Variants in NREP observed in about 807,000 individuals in gnomAD.
NREP encodes the protein neuronal regeneration related protein.
Under a neutral mutation model 8.6 loss-of-function variants are expected in NREP, and 5 were observed. The ratio of observed to expected loss-of-function variants is 0.58; its 90% confidence interval spans 0.30 to 1.22. The LOEUF (loss-of-function observed/expected upper bound fraction) is 1.22, where lower values mean the gene tolerates loss of function less well. Ranked by LOEUF, NREP falls within the 50% of genes most tolerant of loss-of-function variation. NREP has a pLI of 0.07. For synonymous variants in NREP, 27 were observed against 28.0 expected, an observed-to-expected ratio of 0.96 and a Z score of 0.11; for missense variants, 86 against 82.5, an observed-to-expected ratio of 1.04 and a Z score of -0.17.
chr5:111,832,378 C>CA lies in NREP; in HGVS notation c.136-96872dup, dbSNP rs200809780. On this transcript the variant is annotated intron_variant, in intron 2 of 3. Coordinates refer to the NREP transcript ENST00000395634. The stretch of plus-strand genomic sequence containing the variant: ...ACAGAAAAACAAACAACAACAACAA[C>CA]AAAACATTAGCTGGGGGTGGCATGA... Among the ~76,000 whole-genome samples the CA allele has an allele frequency of 1.1e-3, 169 of 152,106 alleles. 6 individuals are homozygous for CA. In the East Asian group the frequency reaches 0.031, roughly 28 times the overall value.
At chr5:111,834,225 C>T (rs974266725) in intron 2 of NREP, among the ~76,000 whole-genome samples, 2 of 152,170 alleles carry the variant, frequency 1.3e-5, no homozygotes, top group Admixed American at 6.6e-5. Flanking sequence ...CTTCTGTCAG[C>T]ATCCATGAAG....
At chr5:111,930,455 T>A (rs1322155597) in intron 2 of NREP, among the ~76,000 whole-genome samples, 1 of 152,198 alleles carries the variant, frequency 6.6e-6, no homozygotes, top group Non-Finnish European at 1.5e-5. Context: ...TTTATGATTA[T>A]GTTTTCAGAA....
intron 2 of NREP, among the ~76,000 whole-genome samples, chr5:111,769,135 C>T (rs758186268): frequency 1.3e-5 from 2 of 152,158 alleles, no homozygotes; most frequent in East Asian, 1.9e-4. Flanking sequence ...AAATGGGATA[C>T]ATCAAGCATC....
In NREP at chr5:111,729,365, A is replaced by G. The variant is rs1295043302; in HGVS notation, c.*1556T>C. On this transcript the variant is annotated 3_prime_UTR_variant, in exon 4 of 4. Transcript: ENST00000257435. ...CTAAAATAGCTAAAATACATTGGGT[A>G]CTTGTCATGAGTGCATCAGTAAAGA... 6.6e-6 allele frequency: 1 copy of G among 152,274 alleles called. No homozygotes were observed. Among genetic ancestry groups the G allele is most frequent in the Non-Finnish European group, 1.5e-5 (1 of 68,050 alleles). The allele number at this position is 152,274 out of a possible 1,614,324, so 9.4% of individuals were successfully genotyped here. A position where few individuals can be genotyped will look rare whatever the true frequency, so the allele number is the denominator to read the frequency against.
rs200921785 is a variant in NREP, at chr5:111,741,842, C to G, written c.4-6335G>C. Among the ~76,000 whole-genome samples, 188 of 152,020 alleles carry G rather than the reference C, an allele frequency of 1.2e-3. 3 individuals are homozygous for G. In the East Asian group the frequency reaches 0.03, roughly 25 times the overall value. On this transcript the variant is annotated intron_variant, in intron 2 of 3. Transcript: ENST00000257435. Reference sequence around the variant, plus strand: ...ACACACATACACACACACACACACACACACACACACACACACACACTGGAG... The same window carrying G: ...ACACACATACACACACACACACACAGACACACACACACACACACACTGGAG...
intron 1 of NREP, chr5:111,975,525 C>A: frequency 1.6e-6 from 1 of 612,136 alleles, no homozygotes. Context: ...GGTATAGGAT[C>A]AGTTTATTTC....
intron 2 of NREP, among the ~76,000 whole-genome samples, chr5:111,736,453 G>C (rs1450307346): frequency 6.6e-6 from 1 of 152,146 alleles, no homozygotes; most frequent in Admixed American, 6.5e-5. Context: ...CAATAAATAA[G>C]CCTCACATTT....
chr5:111,809,177 C>T (rs1201646547), intron 2 of NREP, among the ~76,000 whole-genome samples: 1 of 152,122 alleles, frequency 6.6e-6, no homozygotes, highest in East Asian at 1.9e-4. Flanking sequence ...TGTCCTTCTA[C>T]TTCTCTTTGT....
At chr5:111,775,455 T>G (rs920781570) in intron 2 of NREP, among the ~76,000 whole-genome samples, 2 of 152,190 alleles carry the variant, frequency 1.3e-5, no homozygotes, top group Non-Finnish European at 2.9e-5. Context: ...TTGCTAAGAA[T>G]GCAAACTGCC....
Position 111,860,102 on chromosome 5 carries a change from T to C in NREP, c.135+115172A>G, listed in dbSNP as rs1024051368. Reference sequence around the variant, plus strand: ...TTCTAGGACTTCCAGGAATAAACTTTCTTGGATGGGGTCCAAAATGAAATC... The same window carrying C: ...TTCTAGGACTTCCAGGAATAAACTTCCTTGGATGGGGTCCAAAATGAAATC... On this transcript the variant is annotated intron_variant, in intron 2 of 3. Transcript: ENST00000395634. 4.6e-5 allele frequency among the ~76,000 whole-genome samples: 7 copies of C among 152,174 alleles called. No homozygotes were observed. In the East Asian group the frequency reaches 1.2e-3, roughly 25 times the overall value.
chr5:111,811,475 A>T (rs1485079338), intron 2 of NREP, among the ~76,000 whole-genome samples: 2 of 152,140 alleles, frequency 1.3e-5, no homozygotes, highest in Non-Finnish European at 2.9e-5. Context: ...AGACTTTGCT[A>T]TACCTTTCAT....
intron 2 of NREP, among the ~76,000 whole-genome samples, chr5:111,971,991 T>C (rs1311510077): frequency 1.3e-5 from 2 of 152,142 alleles, no homozygotes; most frequent in African/African-American, 4.8e-5. Flanking sequence ...GCAAACCATA[T>C]ATTTGATAAG....
intron 2 of NREP, among the ~76,000 whole-genome samples, chr5:111,849,270 A>G (rs992927431): frequency 6.6e-6 from 1 of 152,110 alleles, no homozygotes; most frequent in African/African-American, 2.4e-5. Flanking sequence ...AGAAGAGGGA[A>G]CAGGGGATGC....
intron 2 of NREP, among the ~76,000 whole-genome samples, chr5:111,847,772 A>G (rs1438221090): frequency 6.6e-6 from 1 of 152,220 alleles, no homozygotes; most frequent in African/African-American, 2.4e-5. Flanking sequence ...ACAATAAATT[A>G]TATATACAGA....
chr5:111,763,752 GTA>G (rs200240903), intron 2 of NREP, among the ~76,000 whole-genome samples: 7,075 of 107,510 alleles, frequency 0.066, 516 homozygotes, highest in African/African-American at 0.22. Flanking sequence ...CAGTACGTCT[GTA>G]TGTGTGTGTG....
intron 2 of NREP, among the ~76,000 whole-genome samples, chr5:111,908,599 C>T (rs1267932582): frequency 2.0e-5 from 3 of 152,014 alleles, no homozygotes; most frequent in East Asian, 1.9e-4. Flanking sequence ...CTGCAAAGCA[C>T]ATAATTTCAT....
chr5:111,900,088 A>G (rs1754606205), intron 2 of NREP, among the ~76,000 whole-genome samples: 1 of 152,146 alleles, frequency 6.6e-6, no homozygotes, highest in South Asian at 2.1e-4. Flanking sequence ...AAAATTATAT[A>G]AAGTGTCTTG....
At chr5:111,880,643 C>T (rs1754031586) in intron 2 of NREP, among the ~76,000 whole-genome samples, 1 of 149,858 alleles carries the variant, frequency 6.7e-6, no homozygotes, top group Non-Finnish European at 1.5e-5. Context: ...ATCGTGGACA[C>T]ATTCTAAGGT....
intron 2 of NREP, among the ~76,000 whole-genome samples, chr5:111,821,284 T>TAATG (rs1561680076): frequency 1.3e-5 from 2 of 152,188 alleles, no homozygotes; most frequent in Non-Finnish European, 1.5e-5. Context: ...TTATAAGATC[T>TAATG]AATGAATCAT....
Sources: gnomAD v4.1 joint callset for allele counts (sites outside exome capture counted in the v4.1 genomes callset) on GRCh38, gnomAD v4.1.1 for gene constraint, MANE v1.5 for transcripts, NCBI Gene and HGNC (gene_info 2026-07-23, HGNC 2026-07-21) for gene names.